The following PCDHGA1 variants were observed in gnomAD, a reference collection of about 807,000 sequenced individuals.
The protein encoded by PCDHGA1 is protocadherin gamma subfamily A, 1.
In PCDHGA1, 32 loss-of-function variants were observed where a neutral mutation model predicts 58.0. That is an observed-to-expected ratio of 0.55 (90% CI 0.42 to 0.74). PCDHGA1 has a LOEUF of 0.74. Ranked by LOEUF, PCDHGA1 falls within the 30% of genes least tolerant of loss-of-function variation. PCDHGA1 has a pLI of 0.00. For missense variants in PCDHGA1, 1,205 were observed against 1,182.3 expected (o/e 1.02, Z -0.28); for synonymous variants, 498 against 501.1 (o/e 0.99, Z 0.08).
intron 1 of PCDHGA1, among the ~76,000 whole-genome samples, chr5:141,450,062 A>G (rs546772416): frequency 1.1e-4 from 15 of 142,322 alleles, no homozygotes; most frequent in African/African-American, 4.0e-4. Flanking sequence ...GCTGGAATGC[A>G]GTGGTATGAT....
intron 1 of PCDHGA1, chr5:141,409,314 C>G: frequency 1.9e-6 from 3 of 1,613,878 alleles, no homozygotes; most frequent in Non-Finnish European, 2.5e-6. Flanking sequence ...CTCTTCAAAA[C>G]ACGGGATCTG....
chr5:141,362,071 G>A (rs1322302295), intron 1 of PCDHGA1: 1 of 1,612,812 alleles, frequency 6.2e-7, no homozygotes, highest in African/African-American at 1.3e-5. Context: ...GCTGGTCGCT[G>A]TGCGTGATGG....
Position 141,432,123 on chromosome 5 carries a change from C to T in PCDHGA1, c.2422-62684C>T. 6.2e-7 allele frequency: 1 copy of T among 1,614,172 alleles called. No homozygotes were observed. The highest frequency in any genetic ancestry group is 8.5e-7 in the Non-Finnish European group (1 of 1,180,042). ...GACAACCCGCCGGTCTTCCCTCAGGCCTCCTATTCCGCTTATATCCCAGAG... is the reference window on the plus strand; with the variant it reads ...GACAACCCGCCGGTCTTCCCTCAGGTCTCCTATTCCGCTTATATCCCAGAG... On this transcript the variant is annotated intron_variant, in intron 1 of 3. Coordinates refer to ENST00000517417, the MANE Select transcript of PCDHGA1 (RefSeq NM_018912.3). The surrounding 1 kb of genome is among the most constrained non-coding windows in gnomAD (Gnocchi z 6.0).
chr5:141,401,506 C>A (rs2094161695), intron 1 of PCDHGA1, among the ~76,000 whole-genome samples: 1 of 152,126 alleles, frequency 6.6e-6, no homozygotes, highest in Non-Finnish European at 1.5e-5. Flanking sequence ...CCTTTTCCAC[C>A]TCTATATAAT....
chr5:141,389,234 C>A, intron 1 of PCDHGA1: 2 of 1,614,076 alleles, frequency 1.2e-6, no homozygotes, highest in Non-Finnish European at 1.7e-6. Context: ...CTCCGGTTTT[C>A]TCACAGTCTT....
intron 1 of PCDHGA1, chr5:141,427,741 C>T (rs748636652): frequency 8.1e-7 from 1 of 1,240,376 alleles, no homozygotes; most frequent in Non-Finnish European, 1.2e-6. Context: ...GGCCAAGTCT[C>T]CTACTCCATC....
At chr5:141,457,432 C>G (rs982456249) in intron 1 of PCDHGA1, among the ~76,000 whole-genome samples, 1 of 152,172 alleles carries the variant, frequency 6.6e-6, no homozygotes, top group Non-Finnish European at 1.5e-5. Context: ...TCCCCCCCAC[C>G]AAGCTGCAGA....
intron 1 of PCDHGA1, chr5:141,405,288 T>C: frequency 6.2e-7 from 1 of 1,614,110 alleles, no homozygotes; most frequent in African/African-American, 1.3e-5. Context: ...GCAGACACAC[T>C]CATCAGCCAG....
intron 1 of PCDHGA1, among the ~76,000 whole-genome samples, chr5:141,433,818 CA>C (rs2097653666): frequency 7.5e-6 from 1 of 133,558 alleles, no homozygotes; most frequent in African/African-American, 2.9e-5. Flanking sequence ...GCCTGGGCAA[CA>C]AGAGTGAAAC....
intron 1 of PCDHGA1, chr5:141,403,572 C>T (rs749341214): frequency 1.9e-6 from 3 of 1,613,946 alleles, no homozygotes; most frequent in Non-Finnish European, 8.5e-7. Flanking sequence ...GAGGCAACTG[C>T]CCACCACCTG....
At chr5:141,350,486 T>G (rs1353463823) in intron 1 of PCDHGA1, 4 of 1,613,770 alleles carry the variant, frequency 2.5e-6, no homozygotes, top group Non-Finnish European at 3.4e-6. Context: ...CAACGTTAGT[T>G]TGGAGAGCGG....
At chr5:141,404,662 T>G (rs1314002801) in intron 1 of PCDHGA1, 1 of 1,614,208 alleles carries the variant, frequency 6.2e-7, no homozygotes, top group East Asian at 2.2e-5. Flanking sequence ...TCCCCACTGA[T>G]GGTTCTACTG....
Position 141,432,617 on chromosome 5 carries a change from G to T in PCDHGA1, c.2422-62190G>T, listed in dbSNP as rs2097521313. The T allele has an allele frequency of 6.2e-7, 1 of 1,613,578 alleles. No homozygotes were observed. The highest frequency in any genetic ancestry group is 1.3e-5 in the African/African-American group (1 of 74,842). On this transcript the variant is annotated intron_variant, in intron 1 of 3. Coordinates refer to ENST00000517417, the MANE Select transcript of PCDHGA1 (RefSeq NM_018912.3). This position sits in a 1 kb window ranked among gnomAD's most constrained non-coding sequence, Gnocchi z 6.0. ...CAGCGAGCCGGGACTCTTCTCGGTGGGTCTGCACACGGGCGAGGTGCGCAC... is the reference window on the plus strand; with the variant it reads ...CAGCGAGCCGGGACTCTTCTCGGTGTGTCTGCACACGGGCGAGGTGCGCAC...
At chr5:141,349,325 C>T (rs1263970552) in intron 1 of PCDHGA1, among the ~76,000 whole-genome samples, 2 of 152,160 alleles carry the variant, frequency 1.3e-5, no homozygotes, top group African/African-American at 4.8e-5. Flanking sequence ...CCACCTTGGC[C>T]TCCCAAAGTG....
rs2099701571 is a variant in PCDHGA1, at chr5:141,490,550, A to G, written c.2422-4257A>G. On this transcript the variant is annotated intron_variant, in intron 1 of 3. Coordinates refer to ENST00000517417, the MANE Select transcript of PCDHGA1 (RefSeq NM_018912.3). This position sits in a 1 kb window ranked among gnomAD's most constrained non-coding sequence, Gnocchi z 5.4. ...GCTGGTTCACCTTCCCTACACAAACATCTCACCATCAGGCTCAACATTTCA... is the reference window on the plus strand; with the variant it reads ...GCTGGTTCACCTTCCCTACACAAACGTCTCACCATCAGGCTCAACATTTCA... 1 of 1,614,092 alleles carries G rather than the reference A, an allele frequency of 6.2e-7. No individual in the cohort carries two copies.
At chr5:141,393,277 C>T (rs749579658) in intron 1 of PCDHGA1, 4 of 1,613,844 alleles carry the variant, frequency 2.5e-6, no homozygotes, top group Non-Finnish European at 3.4e-6. Flanking sequence ...TATCCACTCC[C>T]AGAAGCTGTT....
intron 1 of PCDHGA1, chr5:141,418,673 G>A (rs2096279740): frequency 5.0e-6 from 8 of 1,614,026 alleles, no homozygotes; most frequent in Non-Finnish European, 6.8e-6. Context: ...CCAGGACGAG[G>A]GCATCAACTC....
rs551129846 is a variant in PCDHGA1, at chr5:141,432,711, A to T, written c.2422-62096A>T. 5 of 1,613,944 alleles carry T rather than the reference A, an allele frequency of 3.1e-6. No individual in the cohort carries two copies. The Admixed American group carries it at 8.3e-5, about 27-fold the overall frequency. ...GTAGTGGCCGTCCAGGACCACGGCCAGCCCCCTCTCTCCGCCACTGTCACG... is the reference window on the plus strand; with the variant it reads ...GTAGTGGCCGTCCAGGACCACGGCCTGCCCCCTCTCTCCGCCACTGTCACG... On this transcript the variant is annotated intron_variant, in intron 1 of 3. Transcript: ENST00000517417. This position sits in a 1 kb window ranked among gnomAD's most constrained non-coding sequence, Gnocchi z 6.0.
At position 141,430,258 on chromosome 5, in the gene PCDHGA1, A is replaced by G. The variant is rs542653323; in HGVS notation, c.2422-64549A>G. On this transcript the variant is annotated intron_variant, in intron 1 of 3. Coordinates refer to ENST00000517417, the MANE Select transcript of PCDHGA1 (RefSeq NM_018912.3). ...GAGAAACTCCTAGGGAGACATCTCC[A>G]TAATAGGTGTGTTGGGGGAACAGTA... is the stretch of plus-strand genomic sequence containing the variant. Among the ~76,000 whole-genome samples the G allele has an allele frequency of 5.4e-5, 8 of 148,074 alleles. No homozygotes were observed. In the South Asian group the frequency reaches 8.5e-4, roughly 16 times the overall value.
Sources: allele counts gnomAD v4.1 joint callset (sites outside exome capture counted in the v4.1 genomes callset), GRCh38; gene constraint gnomAD v4.1.1; non-coding constraint Gnocchi (gnomAD v3.1); transcripts MANE v1.5; gene names NCBI Gene and HGNC (gene_info 2026-07-23, HGNC 2026-07-21).